LARP1B: variants seen among roughly 807,000 people sequenced by gnomAD.
LARP1B encodes La ribonucleoprotein 1B, also known as la-related protein 1B.
Under a neutral mutation model 114.2 loss-of-function variants are expected in LARP1B, and 76 were observed. The ratio of observed to expected loss-of-function variants is 0.67; its 90% CI spans 0.55 to 0.81. The LOEUF is 0.81. Ranked by LOEUF, LARP1B falls within the 30% of genes least tolerant of loss-of-function variation. The pLI is 0.00. For missense variants in LARP1B, 1,014 were observed against 1,075.8 expected (o/e 0.94, Z 0.80); for synonymous variants, 345 against 348.0 (o/e 0.99, Z 0.10).
intron 1 of LARP1B, among the ~76,000 whole-genome samples, chr4:128,063,321 A>G (rs7692797): frequency 0.63 from 94,456 of 148,932 alleles, 30,193 homozygotes; most frequent in Middle Eastern, 0.82. Context: ...CACCTACTTG[A>G]GAGGCTGAGG....
intron 7 of LARP1B, among the ~76,000 whole-genome samples, chr4:128,096,825 C>A (rs1048936881): frequency 3.9e-5 from 6 of 152,224 alleles, no homozygotes; most frequent in African/African-American, 1.4e-4. Flanking sequence ...TGGTCTCGAT[C>A]TCCTGACCTT....
At chr4:128,202,466 TACAC>T (rs1756288919) in intron 17 of LARP1B, among the ~76,000 whole-genome samples, 1 of 152,244 alleles carries the variant, frequency 6.6e-6, no homozygotes, top group Admixed American at 6.5e-5. Flanking sequence ...TCTTTTTATG[TACAC>T]ACATATAGAG....
chr4:128,107,709 G>A (rs1486746260), intron 9 of LARP1B: 14 of 1,446,398 alleles, frequency 9.7e-6, no homozygotes, highest in South Asian at 3.0e-5. Context: ...TTACCAATAC[G>A]CTTTAATCTT....
In LARP1B at chr4:128,126,631, A is replaced by G. The variant is rs538195701; in HGVS notation, c.1524+4443A>G. The stretch of plus-strand genomic sequence containing the variant: ...TTAGACAGAATTAGAGAATTAGTCA[A>G]TTGGAAGACTGTTCCCAAGAATTTA... On this transcript the variant is annotated intron_variant, in intron 11 of 19. Transcript: ENST00000326639. Among the ~76,000 whole-genome samples, 22 of 152,352 alleles carry G rather than the reference A, an allele frequency of 1.4e-4. No individual in the cohort carries two copies. The South Asian group carries it at 4.3e-3, about 30-fold the overall frequency.
At chr4:128,110,311 A>G (rs1201835756) in intron 9 of LARP1B, among the ~76,000 whole-genome samples, 1 of 152,084 alleles carries the variant, frequency 6.6e-6, no homozygotes, top group Non-Finnish European at 1.5e-5. Flanking sequence ...AAGTAGTTTA[A>G]TATCAGGTAA....
rs774845131 is a variant in LARP1B at position 128,126,822 on chromosome 4, T to TAAA, written c.1524+4639_1524+4641dup. Among the ~76,000 whole-genome samples the TAAA allele has an allele frequency of 2.9e-3, 438 of 150,374 alleles. 4 individuals are homozygous for TAAA. The highest frequency in any genetic ancestry group is 9.2e-3 in the African/African-American group (378 of 41,082). ...TTTTTATTTGTTTTTGTTTTTTTTT[T>TAAA]AAAAAAAGGTAAGCAAGAAACTTGG... is the stretch of plus-strand genomic sequence containing the variant. On this transcript the variant is annotated intron_variant, in intron 11 of 19. Transcript: ENST00000326639.
At chr4:128,151,183 A>T (rs1351812211) in intron 11 of LARP1B, among the ~76,000 whole-genome samples, 1 of 152,086 alleles carries the variant, frequency 6.6e-6, no homozygotes, top group Non-Finnish European at 1.5e-5. Context: ...ATATATATAC[A>T]TTTTTTCCTG....
intron 11 of LARP1B, among the ~76,000 whole-genome samples, chr4:128,158,632 C>T (rs549895303): frequency 1.3e-5 from 2 of 152,094 alleles, no homozygotes; most frequent in East Asian, 3.9e-4. Flanking sequence ...AGAAGCTATC[C>T]AAATCAGCAA....
intron 7 of LARP1B, among the ~76,000 whole-genome samples, chr4:128,096,862 AG>A (rs1471363981): frequency 1.3e-5 from 2 of 151,014 alleles, no homozygotes; most frequent in Non-Finnish European, 2.9e-5. Context: ...AGCCTCCCAA[AG>A]TGCTGGGATT....
intron 5 of LARP1B, among the ~76,000 whole-genome samples, chr4:128,088,232 A>G (rs1389547111): frequency 2.0e-5 from 3 of 151,726 alleles, no homozygotes; most frequent in Admixed American, 2.0e-4. Flanking sequence ...AACAGTGGAA[A>G]CTCACCCTGT....
chr4:128,119,591 T>C (rs1457919285), intron 10 of LARP1B, among the ~76,000 whole-genome samples: 1 of 152,250 alleles, frequency 6.6e-6, no homozygotes, highest in African/African-American at 2.4e-5. Context: ...ATACCTATTT[T>C]GATTGCCATC....
intron 15 of LARP1B, among the ~76,000 whole-genome samples, chr4:128,194,549 G>A (rs1037284124): frequency 6.6e-6 from 1 of 151,752 alleles, no homozygotes; most frequent in Non-Finnish European, 1.5e-5. Context: ...CGGGCATGGT[G>A]GCGGGCGCCT....
rs780838221 is a variant in LARP1B at position 128,107,186 on chromosome 4, A to T, written c.861A>T (p.Arg287Ser). 37 of 1,614,030 alleles carry T rather than the reference A, an allele frequency of 2.3e-5. No homozygotes were observed. The highest frequency in any genetic ancestry group is 3.0e-5 in the Non-Finnish European group (35 of 1,179,990). Residue 287 changes from arginine (R) to serine (S), a missense_variant, in exon 9 of 20, where the codon AGA becomes AGT. Arg to Ser is a moderately radical substitution (Grantham distance 110, BLOSUM62 -1). Coordinates refer to ENST00000326639, the MANE Select transcript of LARP1B (RefSeq NM_018078.4). ...TEVEIVDEKM[R>S]KKIEPEKWPI... ...TAGAAATTGTGGATGAGAAAATGAG[A>T]AAAAAGATAGAACCAGAAAAATGGC...
At chr4:128,201,671 G>A (rs1326486750) in intron 17 of LARP1B, among the ~76,000 whole-genome samples, 1 of 152,014 alleles carries the variant, frequency 6.6e-6, no homozygotes, top group Non-Finnish European at 1.5e-5. Context: ...TATTCTTTTT[G>A]TCCCAGCTTA....
At chr4:128,114,806 T>C in intron 10 of LARP1B, 64 bp downstream of exon 10, 2 of 1,433,770 alleles carry the variant, frequency 1.4e-6, no homozygotes, top group Non-Finnish European at 1.9e-6. Context: ...TCAGTGCACT[T>C]TATGTTTGTT....
chr4:128,100,790 ATTTTC>A (rs528810673), intron 8 of LARP1B, among the ~76,000 whole-genome samples: 21 of 144,870 alleles, frequency 1.4e-4, no homozygotes, highest in South Asian at 2.2e-4. Context: ...TTGTCTTTTC[ATTTTC>A]TTTTCTTTTC....
At chr4:128,199,630 T>C (rs745388286) in intron 16 of LARP1B, 31 bp downstream of exon 16, 1 of 1,135,984 alleles carries the variant, frequency 8.8e-7, no homozygotes, top group Non-Finnish European at 1.2e-6. Flanking sequence ...CTATCTAATA[T>C]ATTTAAAATT....
At chr4:128,137,231 A>AAAAAAAC (rs990757599) in intron 11 of LARP1B, among the ~76,000 whole-genome samples, 6 of 152,160 alleles carry the variant, frequency 3.9e-5, no homozygotes, top group African/African-American at 1.4e-4. Context: ...TCCATCTCAA[A>AAAAAAAC]AAAAAACAAA....
At chr4:128,135,098 A>AAAAT (rs71304333) in intron 11 of LARP1B, among the ~76,000 whole-genome samples, 27,011 of 141,374 alleles carry the variant, frequency 0.19, 2,871 homozygotes, top group East Asian at 0.31. Flanking sequence ...ACTTCATCTC[A>AAAAT]AAATAAATAA....
Sources: allele counts gnomAD v4.1 joint callset (sites outside exome capture counted in the v4.1 genomes callset), GRCh38; gene constraint gnomAD v4.1.1; transcripts MANE v1.5; gene names NCBI Gene and HGNC (gene_info 2026-07-23, HGNC 2026-07-21).